The following EFHB variants were observed in gnomAD, a reference collection of about 807,000 sequenced individuals.
The protein encoded by EFHB is EF-hand domain-containing family member B.
A neutral mutation model predicts 87.2 loss-of-function variants in EFHB; 91 were observed. The ratio of observed to expected loss-of-function variants is 1.04; its 90% CI spans 0.88 to 1.24. The LOEUF is 1.24. Among genes scored for constraint, EFHB ranks in the 50% most tolerant of loss-of-function variants. The pLI is 0.00. For synonymous variants in EFHB, 325 were observed against 333.6 expected (o/e 0.97, Z 0.28); for missense variants, 1,084 against 998.8 (o/e 1.09, Z -1.15).
At chr3:19,934,432 G>GCCCCCT (rs1695959026), upstream of EFHB, among the ~76,000 whole-genome samples, 1 of 45,474 alleles carries the variant, frequency 2.2e-5, no homozygotes, top group African/African-American at 1.2e-4. Context: ...CCTCTCCTTT[G>GCCCCCT]CCCTCTCCCT....
chr3:19,882,063 T>A (rs73819008), intron 12 of EFHB, among the ~76,000 whole-genome samples: 134 of 102,494 alleles, frequency 1.3e-3, no homozygotes, highest in African/African-American at 3.1e-3. Flanking sequence ...AAATAAATAA[T>A]TAAATAAGAC....
chr3:19,893,664 C>T (rs1264830648), intron 9 of EFHB, among the ~76,000 whole-genome samples: 1 of 152,150 alleles, frequency 6.6e-6, no homozygotes, highest in Non-Finnish European at 1.5e-5. Context: ...TGACATCCAC[C>T]TCAACTTTAC....
chr3:19,896,902 T>A, intron 8 of EFHB, 61 bp from the exon 9 acceptor site: 3 of 1,433,590 alleles, frequency 2.1e-6, no homozygotes, highest in Non-Finnish European at 2.8e-6. Context: ...TATTTCTATC[T>A]TTTAAAAAAA....
chr3:19,888,783 G>T (rs995581409), intron 9 of EFHB, 132 bp from the exon 10 acceptor site: 2 of 772,014 alleles, frequency 2.6e-6, no homozygotes, highest in African/African-American at 1.8e-5. Context: ...TTTCACAGAA[G>T]AGGAGTCAAA....
chr3:19,920,646 G>C (rs913870964), intron 1 of EFHB, 79 bp from the exon 2 acceptor site: 3 of 1,155,704 alleles, frequency 2.6e-6, no homozygotes, highest in Middle Eastern at 2.0e-4. Flanking sequence ...TTTCAAACTT[G>C]TCCTATGCCT....
At position 19,929,014 on chromosome 3, in the gene EFHB, C is replaced by A. The variant is rs74391748; in HGVS notation, c.789+4216G>T. The stretch of plus-strand genomic sequence containing the variant: ...ACAAACATATGGAGCAATTTTCAAT[C>A]TAATTATAAGTTAAAGAAACATAAA... On this transcript the variant is annotated intron_variant, in intron 1 of 12. Transcript: ENST00000295824. Among the ~76,000 whole-genome samples the A allele has an allele frequency of 5.9e-3, 890 of 151,936 alleles. 12 individuals are homozygous for A. The highest frequency in any genetic ancestry group is 0.02 in the African/African-American group (837 of 41,472).
intron 1 of EFHB, among the ~76,000 whole-genome samples, chr3:19,927,055 C>G (rs1291186451): frequency 6.6e-6 from 1 of 152,316 alleles, no homozygotes; most frequent in Admixed American, 6.5e-5. Flanking sequence ...TCCCATAGCC[C>G]TATGTTATCA....
At chr3:19,936,337 G>GA (rs71055080), upstream of EFHB, 25,205 of 432,516 alleles carry the variant, frequency 0.058, 1,031 homozygotes, top group African/African-American at 0.22. Context: ...GCGACAGACT[G>GA]AAAAAAAAAA....
At chr3:19,935,413 G>A (rs1328351601), upstream of EFHB, among the ~76,000 whole-genome samples, 1 of 151,962 alleles carries the variant, frequency 6.6e-6, no homozygotes, top group African/African-American at 2.4e-5. Flanking sequence ...CCCTAGCTTG[G>A]AATTTGAACT....
At chr3:19,883,993 C>G (rs971856104) in intron 11 of EFHB, among the ~76,000 whole-genome samples, 34 of 152,164 alleles carry the variant, frequency 2.2e-4, no homozygotes, top group Non-Finnish European at 7.3e-5. Flanking sequence ...GCAGCCCCAG[C>G]AAACTAACAC....
chr3:19,933,360 TG>T lies in EFHB; in HGVS notation c.658del (p.Gln220AsnfsTer59), dbSNP rs780599053. Reference protein sequence around the residue: ...PQMGLVIEPPQCQFAQQHEQR... With the variant: ...PQMGLVIEPPXCQFAQQHEQR... ...TTCATGTTGTTGGGCAAACTGGCAT[TG>T]GGGAGGTTCTATCACCAAGCCCATT... On this transcript the variant is annotated frameshift_variant, in exon 1 of 13. Coordinates refer to ENST00000295824, the MANE Select transcript of EFHB (RefSeq NM_144715.4). LOFTEE classifies it high-confidence loss of function. The T allele has an allele frequency of 6.2e-7, 1 of 1,613,998 alleles. No homozygotes were observed. The highest frequency in any genetic ancestry group is 8.5e-7 in the Non-Finnish European group (1 of 1,179,884).
chr3:19,940,081 C>G (rs1160305129), intron 1 of EFHB, among the ~76,000 whole-genome samples: 1 of 152,176 alleles, frequency 6.6e-6, no homozygotes, highest in Non-Finnish European at 1.5e-5. Context: ...CCTTTAAAGG[C>G]TTACTTTCTA....
upstream of EFHB, chr3:19,936,327 G>C: frequency 4.0e-6 from 2 of 504,856 alleles, no homozygotes; most frequent in Non-Finnish European, 7.0e-6. Context: ...GCCAGCCTGG[G>C]CGACAGACTG....
chr3:19,911,854 T>C (rs1312692213), intron 5 of EFHB, among the ~76,000 whole-genome samples: 3 of 152,146 alleles, frequency 2.0e-5, no homozygotes, highest in African/African-American at 7.2e-5. Flanking sequence ...CTCACATTTG[T>C]AATCCCAGTA....
At chr3:19,898,316 G>C (rs1237620279) in intron 8 of EFHB, among the ~76,000 whole-genome samples, 1 of 152,132 alleles carries the variant, frequency 6.6e-6, no homozygotes, top group Non-Finnish European at 1.5e-5. Context: ...AATTCACCTG[G>C]AAATATAGTT....
chr3:19,920,556 A>C lies in EFHB; in HGVS notation c.801T>G (p.Val267=). 1.3e-6 allele frequency: 2 copies of C among 1,597,662 alleles called. No homozygotes were observed. The highest frequency in any genetic ancestry group is 1.7e-6 in the Non-Finnish European group (2 of 1,174,070). The change falls in exon 2 of 13, where the codon GTT becomes GTG. Residue 267 remains valine (V), a synonymous_variant. Coordinates refer to ENST00000295824, the MANE Select transcript of EFHB (RefSeq NM_144715.4). Reference sequence around the variant, plus strand: ...TTGCAACTCTGTAACCAACTGGAATAACTTTTCCTGCCTTTGGGGGAAAAA... The same window carrying C: ...TTGCAACTCTGTAACCAACTGGAATCACTTTTCCTGCCTTTGGGGGAAAAA... ...RTPCWPSAGK[V]IPVGYRVATC...
At chr3:19,888,095 C>T (rs1158249957) in intron 10 of EFHB, among the ~76,000 whole-genome samples, 1 of 152,076 alleles carries the variant, frequency 6.6e-6, no homozygotes, top group Non-Finnish European at 1.5e-5. Flanking sequence ...TGATTCTTTC[C>T]TACACTACTA....
At chr3:19,918,835 C>T (rs568983742) in intron 3 of EFHB, among the ~76,000 whole-genome samples, 45 of 150,328 alleles carry the variant, frequency 3.0e-4, no homozygotes, top group African/African-American at 1.0e-3. Flanking sequence ...AAAAAATTAG[C>T]CGGGTGTGCT....
At chr3:19,921,618 A>C (rs1026131582) in intron 1 of EFHB, among the ~76,000 whole-genome samples, 1 of 152,040 alleles carries the variant, frequency 6.6e-6, no homozygotes, top group Non-Finnish European at 1.5e-5. Context: ...AGACAGTAAG[A>C]AGCAGCCCAG....
Sources: allele counts gnomAD v4.1 joint callset (sites outside exome capture counted in the v4.1 genomes callset), GRCh38; gene constraint gnomAD v4.1.1; transcripts MANE v1.5; gene names NCBI Gene and HGNC (gene_info 2026-07-23, HGNC 2026-07-21).